The following TMTC2 variants were observed in gnomAD, a reference collection of about 807,000 sequenced individuals.
TMTC2 encodes the protein transmembrane O-mannosyltransferase targeting cadherins 2, also known as protein O-mannosyl-transferase TMTC2.
Under a neutral mutation model 82.4 loss-of-function variants are expected in TMTC2, and 43 were observed. The ratio of observed to expected loss-of-function variants is 0.52; its 90% confidence interval spans 0.41 to 0.67. The LOEUF is 0.67. TMTC2 is among the 30% of genes least tolerant of loss of function. The pLI is 0.00. For synonymous variants in TMTC2, 408 were observed against 381.9 expected, an observed-to-expected ratio of 1.07 and a Z score of -0.80; for missense variants, 919 against 1,012.4, an observed-to-expected ratio of 0.91 and a Z score of 1.25.
intron 11 of TMTC2, among the ~76,000 whole-genome samples, chr12:83,111,478 A>G (rs1394873946): frequency 6.6e-6 from 1 of 151,808 alleles, no homozygotes; most frequent in Non-Finnish European, 1.5e-5. Context: ...ATGTGTTATG[A>G]TGTATTCTTC....
chr12:83,012,957 G>A (rs186143157), intron 8 of TMTC2, among the ~76,000 whole-genome samples: 8 of 152,198 alleles, frequency 5.3e-5, no homozygotes, highest in Admixed American at 5.2e-4. Context: ...GTGACAGGAT[G>A]GAGATTAATG....
At chr12:83,121,724 A>G (rs1234180400) in intron 11 of TMTC2, among the ~76,000 whole-genome samples, 1 of 152,080 alleles carries the variant, frequency 6.6e-6, no homozygotes, top group Non-Finnish European at 1.5e-5. Flanking sequence ...TCTTAAGAGT[A>G]TATACCCTTT....
chr12:83,035,328 C>T (rs1477009113), intron 9 of TMTC2, among the ~76,000 whole-genome samples: 1 of 152,088 alleles, frequency 6.6e-6, no homozygotes, highest in African/African-American at 2.4e-5. Flanking sequence ...TTCAGATTGG[C>T]TTGCAAGAAA....
chr12:82,858,132 G>A, intron 2 of TMTC2, among the ~76,000 whole-genome samples: 1 of 152,170 alleles, frequency 6.6e-6, no homozygotes, highest in East Asian at 1.9e-4. Flanking sequence ...AACAGAAAAT[G>A]GTTATTATTG....
At chr12:82,892,781 C>G (rs917345875) in intron 2 of TMTC2, among the ~76,000 whole-genome samples, 5 of 152,160 alleles carry the variant, frequency 3.3e-5, no homozygotes, top group Admixed American at 3.3e-4. Flanking sequence ...GCTTTTGGTA[C>G]AAATTCAGAA....
intron 11 of TMTC2, among the ~76,000 whole-genome samples, chr12:83,085,365 A>G (rs1427595193): frequency 6.6e-6 from 1 of 152,204 alleles, no homozygotes; most frequent in Non-Finnish European, 1.5e-5. Flanking sequence ...CCCAGAGAGA[A>G]CGGGCATAGT....
intron 1 of TMTC2, among the ~76,000 whole-genome samples, chr12:82,719,361 G>A (rs922367619): frequency 1.3e-5 from 2 of 151,736 alleles, no homozygotes; most frequent in Non-Finnish European, 2.9e-5. Flanking sequence ...CAAAGTGCTG[G>A]GATTGCAGGC....
intron 11 of TMTC2, among the ~76,000 whole-genome samples, chr12:83,117,710 A>G (rs1239354724): frequency 6.6e-6 from 1 of 151,886 alleles, no homozygotes; most frequent in Non-Finnish European, 1.5e-5. Context: ...TGGTATTTTG[A>G]TGGGGTTGCA....
intron 6 of TMTC2, chr12:82,965,995 A>G (rs1343800367): frequency 1.9e-6 from 1 of 530,566 alleles, no homozygotes. Context: ...CAGAGCAATT[A>G]TGGTATGTCA....
intron 1 of TMTC2, among the ~76,000 whole-genome samples, chr12:82,717,328 G>A (rs993737781): frequency 2.6e-5 from 4 of 151,468 alleles, no homozygotes; most frequent in Non-Finnish European, 4.4e-5. Context: ...GGGTTCAAGC[G>A]ATTCTCCTGC....
chr12:83,073,195 C>G (rs541446323), intron 11 of TMTC2, among the ~76,000 whole-genome samples: 1 of 152,148 alleles, frequency 6.6e-6, no homozygotes, highest in East Asian at 1.9e-4. Flanking sequence ...TGTGTATTCT[C>G]TCAGCATTTG....
intron 2 of TMTC2, among the ~76,000 whole-genome samples, chr12:82,874,572 A>C (rs544750130): frequency 2.2e-4 from 33 of 152,284 alleles, no homozygotes; most frequent in African/African-American, 7.7e-4. Flanking sequence ...TGCAAACTGT[A>C]CTGGGCTATA....
At chr12:82,703,313 C>T (rs927990734) in intron 1 of TMTC2, among the ~76,000 whole-genome samples, 10 of 152,064 alleles carry the variant, frequency 6.6e-5, no homozygotes, top group Non-Finnish European at 1.2e-4. Flanking sequence ...TATGACCTCC[C>T]TATAAATTAA....
chr12:82,735,573 C>T (rs999397448), intron 1 of TMTC2, among the ~76,000 whole-genome samples: 7 of 151,906 alleles, frequency 4.6e-5, no homozygotes, highest in African/African-American at 7.2e-5. Context: ...TCTCGATCTC[C>T]TGACCTTGTG....
At chr12:82,775,361 G>A (rs1179643958) in intron 1 of TMTC2, among the ~76,000 whole-genome samples, 1 of 151,842 alleles carries the variant, frequency 6.6e-6, no homozygotes, top group Non-Finnish European at 1.5e-5. Context: ...AAGGTGGGAG[G>A]ATTGTCTGAG....
At chr12:82,741,982 G>C (rs1219360466) in intron 1 of TMTC2, among the ~76,000 whole-genome samples, 1 of 152,112 alleles carries the variant, frequency 6.6e-6, no homozygotes, top group Non-Finnish European at 1.5e-5. Flanking sequence ...TCTCTTGTTT[G>C]CATCCCAGTG....
At chr12:82,765,535 G>A (rs1876902547) in intron 1 of TMTC2, among the ~76,000 whole-genome samples, 1 of 152,206 alleles carries the variant, frequency 6.6e-6, no homozygotes, top group East Asian at 1.9e-4. Context: ...TTAGCTGGGT[G>A]TGGTGGCACA....
In TMTC2 at chr12:83,045,503, CTGT is replaced by C. The variant is rs763735656; in HGVS notation, c.2153-5396_2153-5394del. On this transcript the variant is annotated intron_variant, in intron 9 of 11. Coordinates refer to ENST00000321196, the MANE Select transcript of TMTC2 (RefSeq NM_152588.3). ...GAAAAAGAAGTGGTTTCTCAGAAATCTGTTGTTCCCTGTGAAGGATAAAACTTT... is the reference window on the plus strand; with the variant it reads ...GAAAAAGAAGTGGTTTCTCAGAAATCTGTTCCCTGTGAAGGATAAAACTTT... Among the ~76,000 whole-genome samples, 7 of 152,216 alleles carry C rather than the reference CTGT, an allele frequency of 4.6e-5. No individual in the cohort carries two copies. The East Asian group carries it at 9.6e-4, about 21-fold the overall frequency.
At chr12:83,020,195 C>T (rs1471836174) in intron 8 of TMTC2, among the ~76,000 whole-genome samples, 5 of 152,142 alleles carry the variant, frequency 3.3e-5, no homozygotes, top group East Asian at 3.9e-4. Context: ...GGAAGTTTTT[C>T]GTGCTTCGTT....
Sources: gnomAD v4.1 joint callset for allele counts (sites outside exome capture counted in the v4.1 genomes callset) on GRCh38, gnomAD v4.1.1 for gene constraint, MANE v1.5 for transcripts, NCBI Gene and HGNC (gene_info 2026-07-23, HGNC 2026-07-21) for gene names.